Variants in GUCD1 observed in about 807,000 individuals in gnomAD.
The protein encoded by GUCD1 is guanylyl cyclase domain containing 1.
GUCD1 carries 17 observed loss-of-function variants against 28.3 expected under a neutral mutation model. That is an observed-to-expected ratio of 0.60 (90% CI 0.41 to 0.90). The LOEUF (loss-of-function observed/expected upper bound fraction) is 0.90, where lower values mean the gene tolerates loss of function less well. GUCD1 is among the 40% of genes least tolerant of loss of function. The probability of loss-of-function intolerance (pLI) is 0.00; values close to 1 mark genes in which losing one functional copy is unlikely to be tolerated. For missense variants in GUCD1, 279 were observed against 305.5 expected (o/e 0.91, Z 0.65); for synonymous variants, 129 against 123.3 (o/e 1.05, Z -0.30).
At chr22:24,555,164 C>A, upstream of GUCD1, 1 of 1,309,044 alleles carries the variant, frequency 7.6e-7, no homozygotes, top group Admixed American at 4.0e-5. Context: ...CCGCCCCAGC[C>A]CTTCCAGGTC....
chr22:24,551,463 G>C (rs565908818), intron 1 of GUCD1, among the ~76,000 whole-genome samples: 4 of 152,128 alleles, frequency 2.6e-5, no homozygotes, highest in Non-Finnish European at 5.9e-5. Flanking sequence ...ATCCCTTACC[G>C]GGGCCCTGCC....
chr22:24,553,318 A>G (rs1029005963), intron 1 of GUCD1, among the ~76,000 whole-genome samples: 3 of 152,198 alleles, frequency 2.0e-5, no homozygotes, highest in African/African-American at 7.2e-5. Flanking sequence ...GATGAGCCTT[A>G]GTCTGAAATG....
At position 24,541,323 on chromosome 22, in the gene GUCD1, G is replaced by A. The variant is rs997278976; in HGVS notation, c.*1683C>T. 6.6e-6 allele frequency: 1 copy of A among 152,402 alleles called. No homozygotes were observed. The highest frequency in any genetic ancestry group is 2.4e-5 in the African/African-American group (1 of 41,478). 9.4% of individuals were successfully genotyped at this position (152,402 alleles called of 1,614,324 possible). On this transcript the variant is annotated 3_prime_UTR_variant, in exon 6 of 6. Transcript: ENST00000435822. Reference sequence around the variant, plus strand: ...CCATGCCTTGGGCATTGGAAGAGCAGGACCCAGGAGTGCAGGGATGGTATC... The same window carrying A: ...CCATGCCTTGGGCATTGGAAGAGCAAGACCCAGGAGTGCAGGGATGGTATC...
chr22:24,551,265 CAA>C (rs1236502297), intron 1 of GUCD1, among the ~76,000 whole-genome samples: 1 of 152,192 alleles, frequency 6.6e-6, no homozygotes. Context: ...CAGATGCCTC[CAA>C]AAGATACCCA....
chr22:24,548,418 G>A (rs1208904560), intron 2 of GUCD1, among the ~76,000 whole-genome samples: 1 of 152,194 alleles, frequency 6.6e-6, no homozygotes, highest in Non-Finnish European at 1.5e-5. Flanking sequence ...GAACGCTTTT[G>A]TTGAATTTTC....
At chr22:24,555,281 G>C (rs890237201), upstream of GUCD1, 2 of 1,365,746 alleles carry the variant, frequency 1.5e-6, no homozygotes, top group African/African-American at 2.9e-5. Context: ...CCGCCTCAGC[G>C]TTGAGTGGCC....
intron 1 of GUCD1, among the ~76,000 whole-genome samples, chr22:24,554,450 C>G (rs2044974404): frequency 6.6e-6 from 1 of 152,252 alleles, no homozygotes; most frequent in African/African-American, 2.4e-5. Context: ...GGACAGGAAT[C>G]ACGTCTTCCC....
chr22:24,553,826 C>T (rs901677334), intron 1 of GUCD1, among the ~76,000 whole-genome samples: 13 of 152,392 alleles, frequency 8.5e-5, no homozygotes, highest in Non-Finnish European at 1.0e-4. Context: ...CCAGCCTCGG[C>T]AAGGGCGGAT....
intron 4 of GUCD1, among the ~76,000 whole-genome samples, chr22:24,545,900 G>A (rs1040460123): frequency 1.4e-5 from 2 of 142,840 alleles, no homozygotes; most frequent in East Asian, 4.7e-4. Flanking sequence ...CTGTTTTGTT[G>A]ATTTTTAAAG....
intron 1 of GUCD1, among the ~76,000 whole-genome samples, chr22:24,552,615 T>TA (rs1248887362): frequency 2.0e-5 from 3 of 151,974 alleles, no homozygotes; most frequent in Middle Eastern, 3.2e-3. Context: ...CTACTAAAAA[T>TA]ACAAACATTA....
Position 24,542,084 on chromosome 22 carries a change from T to G in GUCD1, c.*922A>C, listed in dbSNP as rs1601530264. The stretch of plus-strand genomic sequence containing the variant: ...GTGCAATCTGGTGTGAAGACCAGGT[T>G]GGGTGGGCAGCTGCAGGCTGCCCCA... On this transcript the variant is annotated 3_prime_UTR_variant, in exon 6 of 6. Transcript: ENST00000435822. The G allele has an allele frequency of 2.0e-5, 3 of 152,398 alleles. No homozygotes were observed. The South Asian group carries it at 6.2e-4, about 32-fold the overall frequency. 9.4% of individuals were successfully genotyped at this position (152,398 alleles called of 1,614,324 possible).
chr22:24,552,790 G>GA (rs1023298602), intron 1 of GUCD1, among the ~76,000 whole-genome samples: 8 of 150,018 alleles, frequency 5.3e-5, no homozygotes, highest in Non-Finnish European at 7.4e-5. Context: ...AAAGGAAAAG[G>GA]AAAAAAAAGA....
At chr22:24,543,720 G>A in intron 5 of GUCD1, 122 bp downstream of exon 5, 1 of 1,279,522 alleles carries the variant, frequency 7.8e-7, no homozygotes, top group Non-Finnish European at 1.1e-6. Context: ...AGGGGCTTTG[G>A]GGAAAAGGTA....
At position 24,555,135 on chromosome 22, in the gene GUCD1, G is replaced by C. The variant is rs963310333; in HGVS notation, c.-144C>G. The stretch of plus-strand genomic sequence containing the variant: ...TGCGGAGGAGAGAACGGGAGGCGGC[G>C]GCTGGGCCGCCCCAAGCGCCGCCCC... On this transcript the variant is annotated 5_prime_UTR_variant, in exon 1 of 6. Coordinates refer to ENST00000435822, the MANE Select transcript of GUCD1 (RefSeq NM_001284254.2). 6 of 1,302,670 alleles carry C rather than the reference G, an allele frequency of 4.6e-6. No homozygotes were observed. Among genetic ancestry groups the C allele is most frequent in the Non-Finnish European group, 5.8e-6 (6 of 1,027,558 alleles). The allele number at this position is 1,302,670 out of a possible 1,614,324, so 80.7% of individuals were successfully genotyped here.
rs1381522194 is a variant in GUCD1 at position 24,546,300 on chromosome 22, T to TA, written c.386+613dup. ...TTCTAAATCACCTATCATGTGATTA[T>TA]ACTACGTCAATAATGAAAATATAAA... On this transcript the variant is annotated intron_variant, in intron 4 of 5. Transcript: ENST00000435822. Among the ~76,000 whole-genome samples the TA allele has an allele frequency of 2.6e-5, 4 of 152,180 alleles. No homozygotes were observed. In the East Asian group the frequency reaches 7.7e-4, roughly 29 times the overall value.
At position 24,547,898 on chromosome 22, in the gene GUCD1, G is replaced by T. The variant is rs369383166; in HGVS notation, c.294+10C>A. ...CCCCACATGGGAAGGCCTGGTGGCT[G>T]GTCGCTCACCTGGTTCTTGTAGCCC... On this transcript the variant is annotated intron_variant, in intron 3 of 5. Transcript: ENST00000435822. The T allele has an allele frequency of 6.2e-7, 1 of 1,613,672 alleles. No individual in the cohort carries two copies. The highest frequency in any genetic ancestry group is 1.3e-5 in the African/African-American group (1 of 75,042).
chr22:24,555,343 C>A (rs970133320), upstream of GUCD1: 23 of 1,368,020 alleles, frequency 1.7e-5, no homozygotes, highest in Non-Finnish European at 2.0e-5. Context: ...AGGACGCGGG[C>A]CCCGGAAGCC....
At chr22:24,548,893 G>A (rs1322081720) in intron 2 of GUCD1, 24 bp downstream of exon 2, 5 of 1,537,830 alleles carry the variant, frequency 3.3e-6, no homozygotes, top group Non-Finnish European at 4.4e-6. Flanking sequence ...AAGCACCTGG[G>A]CCCCCAGCCC....
Position 24,543,850 on chromosome 22 carries a change from T to C in GUCD1, c.620A>G (p.Tyr207Cys), listed in dbSNP as rs757861072. The C allele has an allele frequency of 5.6e-6, 9 of 1,613,762 alleles. No individual in the cohort carries two copies. The highest frequency in any genetic ancestry group is 7.6e-6 in the Non-Finnish European group (9 of 1,179,934). The change falls in exon 5 of 6, where the codon TAT becomes TGT. Residue 207 changes from tyrosine (Y) to cysteine (C), a missense_variant. Physicochemically the swap from Tyr to Cys is radical, Grantham distance 194 (BLOSUM62 -2). Coordinates refer to ENST00000435822, the MANE Select transcript of GUCD1 (RefSeq NM_001284254.2). ...CCCCACCCAGCACTCACGGTCGGCA[T>C]AGGCTGGGTTGTTGTAGAAGATGCA... ...TGCIFYNNPA[Y>C]ADRMCSTSIS... is the part of the protein sequence containing the mutation.
Sources: gnomAD v4.1 joint callset for allele counts (sites outside exome capture counted in the v4.1 genomes callset) on GRCh38, gnomAD v4.1.1 for gene constraint, MANE v1.5 for transcripts, NCBI Gene and HGNC (gene_info 2026-07-23, HGNC 2026-07-21) for gene names.